Variants in FGF13 observed in about 807,000 individuals in gnomAD.
The protein encoded by FGF13 is fibroblast growth factor homologous factor 2.
In FGF13, 2 loss-of-function variants were observed where a neutral mutation model predicts 19.5. The observed-to-expected ratio is 0.10, with a 90% CI of 0.04 to 0.32. The LOEUF (loss-of-function observed/expected upper bound fraction) is 0.32, where lower values mean the gene tolerates loss of function less well. Ranked by LOEUF, FGF13 falls within the 10% of genes least tolerant of loss-of-function variation. The probability of loss-of-function intolerance (pLI) is 1.00; values close to 1 mark genes in which losing one functional copy is unlikely to be tolerated. For synonymous variants in FGF13, 72 were observed against 76.9 expected (o/e 0.94, Z 0.33); for missense variants, 113 against 192.7 (o/e 0.59, Z 2.45).
chrX:138,935,985 A>G (rs2091729377), intron 1 of FGF13, among the ~76,000 whole-genome samples: 1 of 112,475 alleles, frequency 8.9e-6, no homozygotes, highest in Non-Finnish European at 1.9e-5. Flanking sequence ...AAGTTCTTGT[A>G]AAAACTTCAT....
chrX:138,711,465 G>T lies in FGF13; in HGVS notation c.-462C>A. On this transcript the variant is annotated 5_prime_UTR_variant, in exon 1 of 5. Transcript: ENST00000315930. ...AGCGCGGGCGGGAGAGAGGCCGGGAGCTCGGGCGGCCGGACGGAGGAGGGA... is the reference window on the plus strand; with the variant it reads ...AGCGCGGGCGGGAGAGAGGCCGGGATCTCGGGCGGCCGGACGGAGGAGGGA... The T allele has an allele frequency of 1.4e-6, 1 of 724,858 alleles. No homozygotes were observed. Among genetic ancestry groups the T allele is most frequent in the Non-Finnish European group, 1.6e-6 (1 of 610,909 alleles). 59.7% of individuals were successfully genotyped at this position (724,858 alleles called of 1,213,427 possible). A position where few individuals can be genotyped will look rare whatever the true frequency, so the allele number is the denominator to read the frequency against.
intron 3 of FGF13, among the ~76,000 whole-genome samples, chrX:138,651,541 GA>G (rs1483894611): frequency 8.9e-6 from 1 of 111,836 alleles, no homozygotes; most frequent in East Asian, 2.8e-4. Flanking sequence ...AGGTGCTTAG[GA>G]AGATACTTTA....
chrX:138,986,580 G>T lies in FGF13; in HGVS notation c.-112-121930C>A, dbSNP rs776621420. The stretch of plus-strand genomic sequence containing the variant: ...ACATTTTAAAAATTGTTTTAAAGAC[G>T]GGGTCTTACTATGTTGCCTAGGCTG... On this transcript the variant is annotated intron_variant, in intron 1 of 2. Transcript: ENST00000421460. 2.7e-5 allele frequency among the ~76,000 whole-genome samples: 3 copies of T among 111,777 alleles called. No individual in the cohort carries two copies. The South Asian group carries it at 1.1e-3, about 42-fold the overall frequency.
At chrX:139,096,554 G>C (rs1273746281) in intron 1 of FGF13, among the ~76,000 whole-genome samples, 1 of 111,904 alleles carries the variant, frequency 8.9e-6, no homozygotes, top group Non-Finnish European at 1.9e-5. Flanking sequence ...GGCACTGAAA[G>C]TCCTCCTGTG....
At chrX:138,845,598 C>T (rs2091175877) in intron 3 of FGF13, among the ~76,000 whole-genome samples, 1 of 111,212 alleles carries the variant, frequency 9.0e-6, no homozygotes, top group African/African-American at 3.3e-5. Flanking sequence ...GGGAGAGAGA[C>T]CACTTTTAAG....
intron 1 of FGF13, among the ~76,000 whole-genome samples, chrX:138,962,859 C>T (rs747330764): frequency 5.3e-4 from 59 of 111,038 alleles, no homozygotes; most frequent in African/African-American, 9.5e-4. Context: ...GGTTGTGGGA[C>T]GGGGAGGGAT....
chrX:138,975,509 T>C (rs1229247441), intron 1 of FGF13, among the ~76,000 whole-genome samples: 1 of 110,668 alleles, frequency 9.0e-6, no homozygotes, highest in Non-Finnish European at 1.9e-5. Context: ...TGTGCACATG[T>C]ACCCTAGAAC....
chrX:139,006,890 G>C (rs965623133), intron 1 of FGF13, among the ~76,000 whole-genome samples: 2 of 111,132 alleles, frequency 1.8e-5, no homozygotes, highest in Non-Finnish European at 3.8e-5. Context: ...TATTACTAGA[G>C]AAAATCATCT....
At chrX:138,740,064 G>A (rs989601612), upstream of FGF13, among the ~76,000 whole-genome samples, 11 of 111,883 alleles carry the variant, frequency 9.8e-5, no homozygotes, top group African/African-American at 3.6e-4. Flanking sequence ...TTAAGAAAAA[G>A]CAAACCCTGA....
intron 1 of FGF13, among the ~76,000 whole-genome samples, chrX:139,044,565 T>C (rs1004034531): frequency 1.8e-5 from 2 of 111,382 alleles, no homozygotes; most frequent in African/African-American, 6.6e-5. Context: ...ATTCCACCAC[T>C]GGCCCCTCCC....
At chrX:138,992,672 G>T (rs1224029757) in intron 1 of FGF13, among the ~76,000 whole-genome samples, 1 of 111,411 alleles carries the variant, frequency 9.0e-6, no homozygotes, top group Non-Finnish European at 1.9e-5. Flanking sequence ...TTTTACAGTA[G>T]AATTCAAATT....
At chrX:138,778,676 A>T (rs905555121) in intron 3 of FGF13, among the ~76,000 whole-genome samples, 4 of 111,910 alleles carry the variant, frequency 3.6e-5, no homozygotes, top group Admixed American at 2.8e-4. Context: ...AGGCCCACGG[A>T]GTCTCGCTGA....
intron 1 of FGF13, among the ~76,000 whole-genome samples, chrX:139,069,830 A>G (rs2092370883): frequency 9.0e-6 from 1 of 111,707 alleles, no homozygotes; most frequent in Admixed American, 9.5e-5. Context: ...AACAACACAC[A>G]TCTACAACCA....
intron 3 of FGF13, among the ~76,000 whole-genome samples, chrX:138,636,532 G>A (rs2089186829): frequency 8.9e-6 from 1 of 111,999 alleles, no homozygotes. Flanking sequence ...GTGTCTATGT[G>A]TACAATAAAC....
chrX:139,129,180 C>T (rs9988368), intron 1 of FGF13, among the ~76,000 whole-genome samples: 21,067 of 104,475 alleles, frequency 0.2, 1,574 homozygotes, highest in African/African-American at 0.21. Flanking sequence ...CACACACACA[C>T]ATGTGTGTGT....
chrX:139,033,036 A>AG (rs2092234847), intron 1 of FGF13, among the ~76,000 whole-genome samples: 1 of 95,740 alleles, frequency 1.0e-5, no homozygotes, highest in Non-Finnish European at 2.0e-5. Flanking sequence ...CCAAAAAAAA[A>AG]AAAAAAAAAA....
chrX:139,112,970 TAG>T (rs2083613871), intron 1 of FGF13, among the ~76,000 whole-genome samples: 1 of 84,565 alleles, frequency 1.2e-5, no homozygotes, highest in African/African-American at 4.7e-5. Flanking sequence ...CTTGATTATG[TAG>T]TGTGTGTGTG....
chrX:139,066,920 A>C (rs1447738590), intron 1 of FGF13, among the ~76,000 whole-genome samples: 1 of 111,356 alleles, frequency 9.0e-6, no homozygotes, highest in Admixed American at 9.6e-5. Flanking sequence ...GCACATCAAA[A>C]AGCTTATCCA....
intron 1 of FGF13, among the ~76,000 whole-genome samples, chrX:138,709,788 G>GCCACATAAGCATGCTTTGCAA (rs1359587557): frequency 1.8e-5 from 2 of 111,680 alleles, no homozygotes; most frequent in Non-Finnish European, 3.8e-5. Flanking sequence ...GATTATTCGA[G>GCCACATAAGCATGCTTTGCAA]CCACATAAGC....
Sources: allele counts gnomAD v4.1 joint callset (sites outside exome capture counted in the v4.1 genomes callset), GRCh38; gene constraint gnomAD v4.1.1; transcripts MANE v1.5; gene names NCBI Gene and HGNC (gene_info 2026-07-23, HGNC 2026-07-21).